Variants in SLAMF9 observed in about 807,000 individuals in gnomAD.
The protein encoded by SLAMF9 is SLAM family member 9, also known as CD2 family member 10.
A neutral mutation model predicts 30.4 loss-of-function variants in SLAMF9; 25 were observed. That is an observed-to-expected ratio of 0.82 (90% confidence interval 0.60 to 1.15). The LOEUF (loss-of-function observed/expected upper bound fraction) is 1.15. SLAMF9 is among the 50% of genes most tolerant of loss of function. The probability of loss-of-function intolerance (pLI) is 0.00; values close to 1 mark genes in which losing one functional copy is unlikely to be tolerated. For synonymous variants in SLAMF9, 129 were observed against 127.2 expected (o/e 1.01, Z -0.09); for missense variants, 344 against 346.1 (o/e 0.99, Z 0.05).
chr1:159,961,126 T>C, the SLAMF9 span: 2 of 152,326 alleles, frequency 1.3e-5, no homozygotes, highest in South Asian at 4.1e-4. Flanking sequence ...TTATATATAA[T>C]AAAGTAGTTG....
At chr1:159,969,825 T>A in the SLAMF9 span, among the ~76,000 whole-genome samples, 1 of 152,146 alleles carries the variant, frequency 6.6e-6, no homozygotes, top group African/African-American at 2.4e-5. Context: ...GGCAGATCAT[T>A]TGAGCCCAGG....
intron 1 of SLAMF9, 32 bp from the exon 2 acceptor site, chr1:159,953,685 C>T (rs1344028): frequency 0.031 from 48,559 of 1,557,390 alleles, 969 homozygotes; most frequent in South Asian, 0.06. Flanking sequence ...GCAAACAACC[C>T]AGCTGCTGTC....
At chr1:159,960,701 G>T in the SLAMF9 span, among the ~76,000 whole-genome samples, 1 of 152,028 alleles carries the variant, frequency 6.6e-6, no homozygotes, top group African/African-American at 2.4e-5. Flanking sequence ...TGATCCACCC[G>T]CCTTGGCCTC....
At chr1:159,961,992 T>C in the SLAMF9 span, among the ~76,000 whole-genome samples, 1 of 151,976 alleles carries the variant, frequency 6.6e-6, no homozygotes, top group African/African-American at 2.4e-5. Flanking sequence ...CCCCCGTCTC[T>C]ACTAAGAATA....
chr1:159,966,322 G>A, the SLAMF9 span, among the ~76,000 whole-genome samples: 6 of 152,146 alleles, frequency 3.9e-5, no homozygotes, highest in Admixed American at 6.5e-5. Flanking sequence ...TCCATTGTGT[G>A]TATACACCTC....
upstream of SLAMF9, among the ~76,000 whole-genome samples, chr1:159,957,124 AAAAAAAAAAAAAAGAC>A (rs1471537731): frequency 1.6e-4 from 13 of 83,338 alleles, no homozygotes; most frequent in South Asian, 6.1e-4. Flanking sequence ...TCTGTCTCAA[AAAAAAAAAAAAAAGAC>A]AAAAAAAAAA....
chr1:159,979,220 G>C, the SLAMF9 span, among the ~76,000 whole-genome samples: 1 of 152,202 alleles, frequency 6.6e-6, no homozygotes, highest in Non-Finnish European at 1.5e-5. Context: ...GGCTACCTAG[G>C]TGGTACGGTT....
the SLAMF9 span, chr1:159,972,717 A>T: frequency 3.9e-6 from 1 of 259,646 alleles, no homozygotes; most frequent in Non-Finnish European, 7.3e-6. Flanking sequence ...CTCTCCATTG[A>T]GGTAGAACAA....
At chr1:159,955,052 TG>T (rs1281842877), upstream of SLAMF9, among the ~76,000 whole-genome samples, 1 of 141,314 alleles carries the variant, frequency 7.1e-6, no homozygotes, top group Non-Finnish European at 1.5e-5. Flanking sequence ...CACTCCAGCC[TG>T]GGTGACAGAG....
upstream of SLAMF9, among the ~76,000 whole-genome samples, chr1:159,958,916 G>A (rs1033422411): frequency 6.6e-6 from 1 of 152,150 alleles, no homozygotes; most frequent in African/African-American, 2.4e-5. Flanking sequence ...ATGAGTACTG[G>A]TCTCGGTTTA....
upstream of SLAMF9, among the ~76,000 whole-genome samples, chr1:159,955,913 T>C (rs1461824480): frequency 6.6e-6 from 1 of 152,232 alleles, no homozygotes; most frequent in Admixed American, 6.5e-5. Context: ...TTCTTAAAGG[T>C]GAACCAGATT....
intron 3 of SLAMF9, among the ~76,000 whole-genome samples, 192 bp from the exon 4 acceptor site, chr1:159,952,058 A>C (rs1489767858): frequency 6.6e-6 from 1 of 152,208 alleles, no homozygotes; most frequent in Admixed American, 6.5e-5. Flanking sequence ...TTCTGAAGCC[A>C]AGCAAGAGAA....
At chr1:159,973,213 G>A in the SLAMF9 span, 1 of 1,298,808 alleles carries the variant, frequency 7.7e-7, no homozygotes, top group East Asian at 2.3e-5. Context: ...TGACATCTCA[G>A]GGTAACCAGG....
chr1:159,983,892 C>A, the SLAMF9 span: 1 of 152,256 alleles, frequency 6.6e-6, no homozygotes, highest in Non-Finnish European at 1.5e-5. Flanking sequence ...CCAGCAGAGT[C>A]CTGCATGGCA....
chr1:159,952,599 C>A, intron 2 of SLAMF9, 65 bp from the exon 3 acceptor site: 1 of 1,558,446 alleles, frequency 6.4e-7, no homozygotes, highest in South Asian at 1.2e-5. Flanking sequence ...TTCCTAAGCT[C>A]CTCAAACCTG....
chr1:159,980,003 G>A, the SLAMF9 span, among the ~76,000 whole-genome samples: 1 of 152,222 alleles, frequency 6.6e-6, no homozygotes, highest in Non-Finnish European at 1.5e-5. Flanking sequence ...ATGGAGCACA[G>A]AATCGGCGTG....
the SLAMF9 span, chr1:159,973,812 A>G: frequency 5.0e-6 from 8 of 1,613,650 alleles, no homozygotes; most frequent in Non-Finnish European, 6.8e-6. Context: ...GACTTGAACC[A>G]TGGCAGTCTC....
At chr1:159,977,133 A>G in the SLAMF9 span, 1 of 152,236 alleles carries the variant, frequency 6.6e-6, no homozygotes, top group African/African-American at 2.4e-5. Context: ...GGACAAGTAT[A>G]GCTACCTGGG....
chr1:159,974,567 C>G, the SLAMF9 span, among the ~76,000 whole-genome samples: 47 of 152,328 alleles, frequency 3.1e-4, no homozygotes, highest in African/African-American at 1.1e-3. Context: ...CTCCTACCTT[C>G]TTCCTTAAAG....
Sources: gnomAD v4.1 joint callset for allele counts (sites outside exome capture counted in the v4.1 genomes callset) on GRCh38, gnomAD v4.1.1 for gene constraint, MANE v1.5 for transcripts, NCBI Gene and HGNC (gene_info 2026-07-23, HGNC 2026-07-21) for gene names.